The following SYTL3 variants were observed in gnomAD, a reference collection of about 807,000 sequenced individuals.
The protein encoded by SYTL3 is synaptotagmin like 3, also known as synaptotagmin-like protein 3.
Under a neutral mutation model 82.1 loss-of-function variants are expected in SYTL3, and 88 were observed. The observed-to-expected ratio is 1.07, with a 90% CI of 0.90 to 1.28. The LOEUF is 1.28. Among genes scored for constraint, SYTL3 ranks in the 50% most tolerant of loss-of-function variants. The pLI is 0.00. For missense variants in SYTL3, 831 were observed against 757.6 expected, an observed-to-expected ratio of 1.10 and a Z score of -1.14; for synonymous variants, 311 against 289.4, an observed-to-expected ratio of 1.07 and a Z score of -0.76.
chr6:158,757,101 C>T, intron 13 of SYTL3, 110 bp from the exon 14 acceptor site: 1 of 1,095,566 alleles, frequency 9.1e-7, no homozygotes, highest in Non-Finnish European at 1.3e-6. Context: ...GGAGGGAGGC[C>T]TGCGCCAGGC....
chr6:158,685,216 C>CTCTTTT (rs769252041), intron 6 of SYTL3, among the ~76,000 whole-genome samples: 5 of 135,674 alleles, frequency 3.7e-5, no homozygotes, highest in South Asian at 2.4e-4. Flanking sequence ...CTCTCTCTCT[C>CTCTTTT]TTTTTTTTTT....
rs182129364 is a variant in SYTL3, at chr6:158,755,287, G to A, written c.1138-1924G>A. ...GAGCCTGGGAGGTGCAGGCTGCAGT[G>A]AGCTGAGATGGCACTGCTGCACTCC... On this transcript the variant is annotated intron_variant, in intron 13 of 17. Transcript: ENST00000611299. 2.2e-3 allele frequency among the ~76,000 whole-genome samples: 329 copies of A among 152,284 alleles called. 3 individuals are homozygous for A. Among genetic ancestry groups the A allele is most frequent in the African/African-American group, 7.3e-3 (302 of 41,544 alleles).
At chr6:158,720,406 C>CAA (rs10640552) in intron 10 of SYTL3, among the ~76,000 whole-genome samples, 2,922 of 88,060 alleles carry the variant, frequency 0.033, 135 homozygotes, top group African/African-American at 0.04. Flanking sequence ...AACTTTGTCT[C>CAA]AAAAAAAAAA....
intron 7 of SYTL3, 47 bp from the exon 8 acceptor site, chr6:158,708,275 T>C (rs1325808708): frequency 6.8e-7 from 1 of 1,468,412 alleles, no homozygotes; most frequent in East Asian, 2.3e-5. Flanking sequence ...AACTAACGGC[T>C]TGCATGGTTC....
intron 11 of SYTL3, among the ~76,000 whole-genome samples, chr6:158,729,532 C>T (rs543890417): frequency 6.6e-6 from 1 of 152,000 alleles, no homozygotes; most frequent in South Asian, 2.1e-4. Context: ...CTGCTTAGCC[C>T]CTTTCCAAGT....
chr6:158,717,013 G>A (rs1210326924), intron 9 of SYTL3, among the ~76,000 whole-genome samples: 2 of 152,208 alleles, frequency 1.3e-5, no homozygotes, highest in African/African-American at 4.8e-5. Flanking sequence ...CAGGCATGGT[G>A]GCTTAAGCCT....
At chr6:158,666,957 GC>G (rs1436195006) in intron 5 of SYTL3, among the ~76,000 whole-genome samples, 2 of 152,216 alleles carry the variant, frequency 1.3e-5, no homozygotes, top group Non-Finnish European at 2.9e-5. Flanking sequence ...GTTTGCTGAA[GC>G]CATTGTCCTT....
chr6:158,663,897 G>T (rs1789683802), intron 4 of SYTL3, among the ~76,000 whole-genome samples: 1 of 152,076 alleles, frequency 6.6e-6, no homozygotes, highest in Non-Finnish European at 1.5e-5. Context: ...CATAAAATAT[G>T]AACCTGCTTA....
rs374861518 is a variant in SYTL3, at chr6:158,760,721, A to G, written c.1390A>G (p.Arg464Gly). 3.1e-6 allele frequency: 5 copies of G among 1,614,136 alleles called. No individual in the cohort carries two copies. The African/African-American group carries it at 4.0e-5, about 13-fold the overall frequency. ...RAKLVLPSRP[R>G]KLQEAQEGTD... Reference sequence around the variant, plus strand: ...TAAGCTGGTTCTCCCTTCACGGCCCAGAAAACTCCAAGAGGCTCAAGAAGG... The same window carrying G: ...TAAGCTGGTTCTCCCTTCACGGCCCGGAAAACTCCAAGAGGCTCAAGAAGG... The change falls in exon 15 of 18, where the codon AGA becomes GGA. Residue 464 changes from arginine (R) to glycine (G), a missense_variant. Arg to Gly is a moderately radical substitution (Grantham distance 125, BLOSUM62 -2). Coordinates refer to ENST00000611299, the MANE Select transcript of SYTL3 (RefSeq NM_001242394.2).
At chr6:158,691,407 A>G (rs1371497479) in intron 6 of SYTL3, among the ~76,000 whole-genome samples, 1 of 152,152 alleles carries the variant, frequency 6.6e-6, no homozygotes, top group Non-Finnish European at 1.5e-5. Context: ...ATGTACTTTA[A>G]GTAAAGTAAC....
At chr6:158,718,239 G>A (rs986830830) in intron 10 of SYTL3, 28 bp downstream of exon 10, 81 of 1,468,434 alleles carry the variant, frequency 5.5e-5, no homozygotes, top group Non-Finnish European at 7.1e-5. Flanking sequence ...AGGCCTCCAC[G>A]CTGATCACCT....
chr6:158,762,497 G>A (rs1006034275), intron 16 of SYTL3, among the ~76,000 whole-genome samples: 30 of 152,186 alleles, frequency 2.0e-4, no homozygotes, highest in African/African-American at 6.5e-4. Flanking sequence ...ACAGTAAAAC[G>A]CATGACTGTC....
chr6:158,761,840 G>T (rs1048726160), intron 15 of SYTL3, among the ~76,000 whole-genome samples: 1 of 152,112 alleles, frequency 6.6e-6, no homozygotes, highest in African/African-American at 2.4e-5. Context: ...TCTTTTCTAG[G>T]ATCTTAGTAA....
chr6:158,722,670 C>G (rs1029859944), intron 10 of SYTL3, among the ~76,000 whole-genome samples: 2 of 149,720 alleles, frequency 1.3e-5, no homozygotes, highest in Non-Finnish European at 2.9e-5. Context: ...ACCTGTTAAA[C>G]AGGAAGGATG....
intron 6 of SYTL3, among the ~76,000 whole-genome samples, chr6:158,705,084 T>C (rs1216036135): frequency 5.9e-4 from 33 of 56,134 alleles, no homozygotes; most frequent in Non-Finnish European, 7.6e-4. Context: ...CAGTGAGGGC[T>C]ATAAGGCCAC....
Position 158,762,081 on chromosome 6 carries a change from G to C in SYTL3, c.1420G>C (p.Asp474His), listed in dbSNP as rs6929012. The change falls in exon 16 of 18, where the codon GAT (aspartate) becomes CAT (histidine). Residue 474 changes from aspartate to histidine, a missense_variant. Transcript: ENST00000611299. ...RKLQEAQEGT[D>H]QPSLHGQLCL... Reference sequence around the variant, plus strand: ...AATACTGGCTTTCCTTCCAGGGACAGATCAGCCATCACTTCATGGTCAACT... The same window carrying C: ...AATACTGGCTTTCCTTCCAGGGACACATCAGCCATCACTTCATGGTCAACT... 1 of 1,613,320 alleles carries C rather than the reference G, an allele frequency of 6.2e-7. No individual in the cohort carries two copies. The highest frequency in any genetic ancestry group is 2.2e-5 in the East Asian group (1 of 44,876).
intron 8 of SYTL3, among the ~76,000 whole-genome samples, chr6:158,712,977 G>A (rs1225580931): frequency 1.3e-5 from 2 of 151,926 alleles, no homozygotes; most frequent in Non-Finnish European, 2.9e-5. Context: ...AGCCAGGATG[G>A]TCTCGATCTC....
In SYTL3 at chr6:158,763,448, C is replaced by CCCAAAG; in HGVS notation, c.1662_1663insCCAAAG (p.Val554_Trp555insProLys). 6.2e-6 allele frequency: 10 copies of CCCAAAG among 1,614,200 alleles called. No homozygotes were observed. The highest frequency in any genetic ancestry group is 8.5e-6 in the Non-Finnish European group (10 of 1,180,036). ...GGCAGTCAAGCTTGGAGTTAACTGT[C>CCCAAAG]TGGGATCAGGCCCTCTTTGGAATGA... On this transcript the variant is annotated inframe_insertion, in exon 17 of 18. Transcript: ENST00000611299.
chr6:158,656,248 C>T (rs938078192), intron 2 of SYTL3, among the ~76,000 whole-genome samples: 1 of 152,130 alleles, frequency 6.6e-6, no homozygotes, highest in Non-Finnish European at 1.5e-5. Context: ...GGTGGCGTCT[C>T]AGCCAGGCAG....
Sources: allele counts gnomAD v4.1 joint callset (sites outside exome capture counted in the v4.1 genomes callset), GRCh38; gene constraint gnomAD v4.1.1; transcripts MANE v1.5; gene names NCBI Gene and HGNC (gene_info 2026-07-23, HGNC 2026-07-21).